The following GPC5 variants were observed in gnomAD, a reference collection of about 807,000 sequenced individuals.
The protein encoded by GPC5 is glypican-5.
In GPC5, 47 loss-of-function variants were observed where a neutral mutation model predicts 53.9. The observed-to-expected ratio is 0.87, with a 90% CI of 0.69 to 1.11. GPC5 has a LOEUF of 1.11. GPC5 is among the 50% of genes most tolerant of loss of function. The pLI is 0.00. For missense variants in GPC5, 748 were observed against 713.1 expected (o/e 1.05, Z -0.56); for synonymous variants, 286 against 263.3 (o/e 1.09, Z -0.84).
chr13:92,159,466 G>A (rs2041969936), intron 7 of GPC5, among the ~76,000 whole-genome samples: 1 of 152,070 alleles, frequency 6.6e-6, no homozygotes, highest in African/African-American at 2.4e-5. Flanking sequence ...ACCTTGGAAG[G>A]GCAACATTCC....
At chr13:92,824,298 C>A (rs1454331351) in intron 7 of GPC5, among the ~76,000 whole-genome samples, 1 of 152,084 alleles carries the variant, frequency 6.6e-6, no homozygotes, top group African/African-American at 2.4e-5. Flanking sequence ...GCTCAGCAGA[C>A]GACAGGAGTT....
At chr13:92,154,008 G>T (rs1406740244) in intron 7 of GPC5, among the ~76,000 whole-genome samples, 8 of 152,164 alleles carry the variant, frequency 5.3e-5, no homozygotes, top group Non-Finnish European at 8.8e-5. Context: ...AAGTAAGGAG[G>T]TTCATTTTGG....
At chr13:91,880,884 G>A (rs1281834408) in intron 5 of GPC5, among the ~76,000 whole-genome samples, 13 of 151,978 alleles carry the variant, frequency 8.6e-5, no homozygotes, top group Non-Finnish European at 1.3e-4. Flanking sequence ...TCCGCCTCCC[G>A]GGTTCAAGCA....
chr13:92,349,345 A>T (rs1215041329), intron 7 of GPC5, among the ~76,000 whole-genome samples: 1 of 151,838 alleles, frequency 6.6e-6, no homozygotes, highest in East Asian at 1.9e-4. Flanking sequence ...GGGTTTCTCC[A>T]TGTTGGTCAG....
chr13:91,914,285 C>T (rs2039637946), intron 6 of GPC5, among the ~76,000 whole-genome samples: 1 of 152,080 alleles, frequency 6.6e-6, no homozygotes. Flanking sequence ...AATATCACAG[C>T]AATTTTCTGG....
rs1272080925 is a variant in GPC5, at chr13:91,572,014, T to G, written c.326-121173T>G. ...GTGTATATGTGTATATATGCATATA[T>G]GCATATACGTGTGTATATATGTGTA... On this transcript the variant is annotated intron_variant, in intron 2 of 7. Transcript: ENST00000377067. Among the ~76,000 whole-genome samples, 2 of 140,536 alleles carry G rather than the reference T, an allele frequency of 1.4e-5. 1 individual carries two copies. Among genetic ancestry groups the G allele is most frequent in the African/African-American group, 5.4e-5 (2 of 37,366 alleles). The allele number at this position is 140,536 out of a possible 152,430, so 92.2% of individuals were successfully genotyped here. A position where few individuals can be genotyped will look rare whatever the true frequency, so the allele number is the denominator to read the frequency against.
intron 5 of GPC5, among the ~76,000 whole-genome samples, chr13:91,765,179 G>A (rs530110852): frequency 6.6e-6 from 1 of 152,220 alleles, no homozygotes; most frequent in Non-Finnish European, 1.5e-5. Flanking sequence ...CGTAGGCATA[G>A]GCCAACTACC....
At chr13:91,653,371 G>A (rs372605661) in intron 2 of GPC5, among the ~76,000 whole-genome samples, 1 of 152,108 alleles carries the variant, frequency 6.6e-6, no homozygotes, top group South Asian at 2.1e-4. Context: ...GGTTACCAGA[G>A]CCTGGGAAGG....
rs145533916 is a variant in GPC5, at chr13:92,207,006, T to G, written c.1561+62017T>G. ...CCTCTCTTGAGGTATTAATATAATA[T>G]TGAATTTTCCTTTTTGCCTATCTTC... On this transcript the variant is annotated intron_variant, in intron 7 of 7. Coordinates refer to ENST00000377067, the MANE Select transcript of GPC5 (RefSeq NM_004466.6). 4.6e-3 allele frequency among the ~76,000 whole-genome samples: 696 copies of G among 152,318 alleles called. 7 individuals carry two copies. The highest frequency in any genetic ancestry group is 0.016 in the African/African-American group (673 of 41,570).
At chr13:92,007,759 A>G (rs9301770) in intron 6 of GPC5, among the ~76,000 whole-genome samples, 85,658 of 152,002 alleles carry the variant, frequency 0.56, 25,229 homozygotes, top group African/African-American at 0.73. Flanking sequence ...AATCTGTTCT[A>G]GCTTGTTCTT....
chr13:92,439,797 GA>G (rs1428873783), intron 7 of GPC5, among the ~76,000 whole-genome samples: 2 of 152,132 alleles, frequency 1.3e-5, no homozygotes, highest in Admixed American at 1.3e-4. Context: ...ACAGAACACA[GA>G]GCCCATTGTA....
intron 5 of GPC5, among the ~76,000 whole-genome samples, chr13:91,761,339 C>T (rs1005177896): frequency 4.6e-5 from 7 of 152,218 alleles, no homozygotes; most frequent in Non-Finnish European, 7.4e-5. Flanking sequence ...ATCATCAACA[C>T]GGAACTTCTG....
chr13:91,548,996 T>C (rs2030463166), intron 2 of GPC5, among the ~76,000 whole-genome samples: 1 of 152,076 alleles, frequency 6.6e-6, no homozygotes, highest in Non-Finnish European at 1.5e-5. Flanking sequence ...ACTGGCTGGG[T>C]GCAGTGACTC....
At position 92,758,994 on chromosome 13, in the gene GPC5, G is replaced by GTTTTTT. The variant is rs68182839; in HGVS notation, c.1562-107268_1562-107263dup. On this transcript the variant is annotated intron_variant, in intron 7 of 7. Coordinates refer to ENST00000377067, the MANE Select transcript of GPC5 (RefSeq NM_004466.6). ...CAGAGAATATCCTTTTCCCATTGCG[G>GTTTTTT]TTTTTTTTTTTTTTTTTTTTTTTTT... 7.2e-3 allele frequency among the ~76,000 whole-genome samples: 505 copies of GTTTTTT among 70,542 alleles called. 48 individuals are homozygous for GTTTTTT. The highest frequency in any genetic ancestry group is 0.023 in the African/African-American group (337 of 14,738). The allele number at this position is 70,542 out of a possible 152,430, so 46.3% of individuals were successfully genotyped here.
In GPC5 at chr13:92,556,329, TTTA is replaced by T. The variant is rs538622847; in HGVS notation, c.1562-309949_1562-309947del. On this transcript the variant is annotated intron_variant, in intron 7 of 7. Coordinates refer to ENST00000377067, the MANE Select transcript of GPC5 (RefSeq NM_004466.6). Reference sequence around the variant, plus strand: ...CAGGAGACTAAACATTTAGAAATAGTTTATTAATAGTTCAGGTATCTGAATAGT... The same window carrying T: ...CAGGAGACTAAACATTTAGAAATAGTTTAATAGTTCAGGTATCTGAATAGT... Among the ~76,000 whole-genome samples, 56 of 151,954 alleles carry T rather than the reference TTTA, an allele frequency of 3.7e-4. 1 individual carries two copies. The East Asian group carries it at 0.01, about 27-fold the overall frequency.
intron 7 of GPC5, among the ~76,000 whole-genome samples, chr13:92,591,913 C>G (rs1883725035): frequency 6.6e-6 from 1 of 152,140 alleles, no homozygotes. Flanking sequence ...ATGTGAGCAC[C>G]TGCTAAGCCC....
At chr13:91,606,764 T>C (rs2033381913) in intron 2 of GPC5, among the ~76,000 whole-genome samples, 1 of 152,180 alleles carries the variant, frequency 6.6e-6, no homozygotes, top group Admixed American at 6.5e-5. Context: ...TAGTATTCCC[T>C]GATGGCAGTT....
chr13:91,707,768 G>A (rs963252835), intron 3 of GPC5, among the ~76,000 whole-genome samples: 4 of 152,128 alleles, frequency 2.6e-5, no homozygotes, highest in Non-Finnish European at 5.9e-5. Flanking sequence ...AAGTTAAATT[G>A]AGAGCTAGCA....
intron 5 of GPC5, among the ~76,000 whole-genome samples, chr13:91,832,197 C>G (rs192796601): frequency 2.3e-4 from 35 of 151,970 alleles, no homozygotes; most frequent in African/African-American, 8.2e-4. Flanking sequence ...TGCATTGATC[C>G]CTTTACCAAT....
Sources: gnomAD v4.1 joint callset for allele counts (sites outside exome capture counted in the v4.1 genomes callset) on GRCh38, gnomAD v4.1.1 for gene constraint, MANE v1.5 for transcripts, NCBI Gene and HGNC (gene_info 2026-07-23, HGNC 2026-07-21) for gene names.